SETX: variants seen among roughly 807,000 people sequenced by gnomAD.
SETX encodes the protein senataxin, also known as helicase senataxin.
In SETX, 90 loss-of-function variants were observed where a neutral mutation model predicts 227.2. The ratio of observed to expected loss-of-function variants is 0.40; its 90% CI spans 0.33 to 0.47. SETX has a LOEUF of 0.47. Ranked by LOEUF, SETX falls within the 20% of genes least tolerant of loss-of-function variation. SETX has a pLI of 0.91. For missense variants in SETX, 3,052 were observed against 3,181.5 expected, an observed-to-expected ratio of 0.96 and a Z score of 0.98; for synonymous variants, 1,210 against 1,113.2, an observed-to-expected ratio of 1.09 and a Z score of -1.73.
chr9:132,306,320 C>A (rs1424151650), intron 11 of SETX, among the ~76,000 whole-genome samples: 2 of 152,190 alleles, frequency 1.3e-5, no homozygotes, highest in Non-Finnish European at 2.9e-5. Context: ...TCAAGCAATT[C>A]TCCTGCATCA....
intron 15 of SETX, among the ~76,000 whole-genome samples, chr9:132,289,942 C>T (rs886139576): frequency 3.9e-5 from 6 of 152,178 alleles, no homozygotes; most frequent in African/African-American, 9.7e-5. Flanking sequence ...GGCACAATGG[C>T]TCACGCCTAT....
chr9:132,336,687 A>C (rs977419827), intron 5 of SETX, among the ~76,000 whole-genome samples, 172 bp from the exon 6 acceptor site: 4 of 152,218 alleles, frequency 2.6e-5, no homozygotes, highest in African/African-American at 7.2e-5. Flanking sequence ...ACCCCTAATA[A>C]ACAGTTTTAG....
At chr9:132,283,101 T>G in intron 19 of SETX, 163 bp downstream of exon 19, 1 of 861,786 alleles carries the variant, frequency 1.2e-6, no homozygotes, top group Non-Finnish European at 1.8e-6. Context: ...TGGAGGGTCA[T>G]TAAGGAGTAT....
chr9:132,347,249 T>C (rs1848342639), intron 3 of SETX, among the ~76,000 whole-genome samples: 1 of 150,768 alleles, frequency 6.6e-6, no homozygotes, highest in Non-Finnish European at 1.5e-5. Context: ...GGAAACTCCA[T>C]CTCAAACAAA....
intron 10 of SETX, among the ~76,000 whole-genome samples, chr9:132,322,644 T>C (rs886071139): frequency 6.6e-6 from 1 of 152,224 alleles, no homozygotes; most frequent in Non-Finnish European, 1.5e-5. Context: ...TTGTTTCCAC[T>C]TTTTGGCTAC....
intron 17 of SETX, among the ~76,000 whole-genome samples, chr9:132,287,400 A>G (rs1412136573): frequency 6.6e-6 from 1 of 152,194 alleles, no homozygotes; most frequent in Non-Finnish European, 1.5e-5. Context: ...AGGCAGAAAG[A>G]CAGCTCACTT....
At chr9:132,343,154 C>T (rs1053065770) in intron 4 of SETX, among the ~76,000 whole-genome samples, 1 of 152,042 alleles carries the variant, frequency 6.6e-6, no homozygotes, top group Non-Finnish European at 1.5e-5. Flanking sequence ...CCCGTCTCTA[C>T]TAAAAATACA....
At chr9:132,296,118 A>G in intron 14 of SETX, 90 bp from the exon 15 acceptor site, 2 of 1,480,570 alleles carry the variant, frequency 1.4e-6, no homozygotes, top group South Asian at 2.3e-5. Context: ...CTTTACTTCC[A>G]TGTATTTTTG....
chr9:132,282,338 C>T (rs550863003), intron 19 of SETX, among the ~76,000 whole-genome samples: 1 of 150,362 alleles, frequency 6.7e-6, no homozygotes, highest in African/African-American at 2.5e-5. Flanking sequence ...CACTCTGTCA[C>T]CCAGGCTGGA....
chr9:132,316,310 G>T (rs1371455173), intron 10 of SETX, among the ~76,000 whole-genome samples: 1 of 151,974 alleles, frequency 6.6e-6, no homozygotes, highest in Non-Finnish European at 1.5e-5. Flanking sequence ...CCTGTTTTTT[G>T]CTGTCGATTT....
Position 132,328,926 on chromosome 9 carries a change from A to G in SETX, c.2672T>C (p.Val891Ala), listed in dbSNP as rs148181729. ...ENNCKIQEFH[V>A]DGKELIPFTE... ...AAAAGGGATCAATTCTTTACCATCA[A>G]CATGAAATTCCTGTATTTTACAATT... is the stretch of plus-strand genomic sequence containing the variant. Residue 891 changes from valine to alanine, a missense_variant, in exon 10 of 26, where the codon GTT becomes GCT. Val to Ala is a moderately conservative substitution (Grantham distance 64). Transcript: ENST00000224140. 9.8e-4 allele frequency: 1,579 copies of G among 1,613,006 alleles called. 8 individuals carry two copies. The African/African-American group carries it at 0.016, about 16-fold the overall frequency.
At chr9:132,297,914 G>A (rs1482979403) in intron 13 of SETX, among the ~76,000 whole-genome samples, 166 bp downstream of exon 13, 1 of 152,094 alleles carries the variant, frequency 6.6e-6, no homozygotes, top group Admixed American at 6.6e-5. Flanking sequence ...GAAGTGAGCT[G>A]ACTTAACCTA....
intron 6 of SETX, among the ~76,000 whole-genome samples, chr9:132,335,323 G>C (rs749438064): frequency 4.0e-5 from 6 of 148,650 alleles, no homozygotes; most frequent in Non-Finnish European, 8.9e-5. Context: ...CCCAGGAGGC[G>C]GATCTTGCAG....
chr9:132,281,725 A>G, intron 19 of SETX, 151 bp from the exon 20 acceptor site: 1 of 693,672 alleles, frequency 1.4e-6, no homozygotes, highest in Non-Finnish European at 2.6e-6. Flanking sequence ...AAAACAAAAA[A>G]ACAAAACAAA....
In SETX at chr9:132,288,451, A is replaced by C. The variant is rs189546489; in HGVS notation, c.6208+99T>G. On this transcript the variant is annotated intron_variant, in intron 16 of 25. Coordinates refer to ENST00000224140, the MANE Select transcript of SETX (RefSeq NM_015046.7). ...AGAAGGAAAATTAGTTCCCAAAGCCAGACTAATTCTGGAGGCTTCAAATTA... is the reference window on the plus strand; with the variant it reads ...AGAAGGAAAATTAGTTCCCAAAGCCCGACTAATTCTGGAGGCTTCAAATTA... 1,326 of 1,404,258 alleles carry C rather than the reference A, an allele frequency of 9.4e-4. 1 individual carries two copies. Among genetic ancestry groups the C allele is most frequent in the South Asian group, 1.5e-3 (124 of 84,260 alleles). The allele number at this position is 1,404,258 out of a possible 1,614,324, so 87.0% of individuals were successfully genotyped here.
At chr9:132,343,660 TG>T (rs1036848178) in intron 4 of SETX, among the ~76,000 whole-genome samples, 2 of 152,194 alleles carry the variant, frequency 1.3e-5, no homozygotes, top group African/African-American at 4.8e-5. Context: ...GCTTTAGGGA[TG>T]GGGAGGCATA....
intron 3 of SETX, among the ~76,000 whole-genome samples, chr9:132,348,273 C>T (rs1157491109): frequency 2.0e-5 from 3 of 149,712 alleles, no homozygotes; most frequent in Non-Finnish European, 3.0e-5. Flanking sequence ...GCAGGAGAAT[C>T]GCTTGAACCC....
intron 15 of SETX, among the ~76,000 whole-genome samples, chr9:132,293,379 G>A (rs549349319): frequency 1.9e-4 from 29 of 151,798 alleles, no homozygotes; most frequent in Admixed American, 1.8e-3. Context: ...TACTGAAAAA[G>A]AAAAAAAGGT....
chr9:132,272,475 T>TAA (rs201380297), intron 23 of SETX, among the ~76,000 whole-genome samples: 4 of 144,326 alleles, frequency 2.8e-5, no homozygotes, highest in Admixed American at 6.9e-5. Context: ...TAAAGAAACT[T>TAA]AAAAAAAAAA....
Sources: allele counts gnomAD v4.1 joint callset (sites outside exome capture counted in the v4.1 genomes callset), GRCh38; gene constraint gnomAD v4.1.1; transcripts MANE v1.5; gene names NCBI Gene and HGNC (gene_info 2026-07-23, HGNC 2026-07-21).